Variants in SLC2A9 observed in about 807,000 individuals in gnomAD.
SLC2A9 encodes solute carrier family 2 member 9.
A neutral mutation model predicts 50.6 loss-of-function variants in SLC2A9; 39 were observed. The observed-to-expected ratio is 0.77, with a 90% CI of 0.60 to 1.01. The LOEUF (loss-of-function observed/expected upper bound fraction) is 1.01. Ranked by LOEUF, SLC2A9 falls within the 50% of genes least tolerant of loss-of-function variation. The pLI, the probability that SLC2A9 is intolerant of heterozygous loss-of-function variation, is 0.00. For missense variants in SLC2A9, 686 were observed against 677.6 expected (o/e 1.01, Z -0.14); for synonymous variants, 324 against 276.9 (o/e 1.17, Z -1.69).
intron 10 of SLC2A9, among the ~76,000 whole-genome samples, chr4:9,882,543 C>T (rs950310904): frequency 2.0e-5 from 3 of 151,946 alleles, no homozygotes; most frequent in Non-Finnish European, 4.4e-5. Flanking sequence ...CCCATCTCTA[C>T]TAAAAATACA....
chr4:9,952,106 C>G (rs1370720357), intron 5 of SLC2A9, among the ~76,000 whole-genome samples: 2 of 152,234 alleles, frequency 1.3e-5, no homozygotes, highest in Non-Finnish European at 2.9e-5. Context: ...ACAGATAAAC[C>G]ACTTCACCCC....
intron 10 of SLC2A9, among the ~76,000 whole-genome samples, chr4:9,882,095 T>C (rs972120311): frequency 6.6e-6 from 1 of 152,238 alleles, no homozygotes; most frequent in Admixed American, 6.5e-5. Context: ...GCTGGAACCA[T>C]GAAAATCAAC....
At chr4:9,881,003 G>A (rs1262450187) in intron 10 of SLC2A9, among the ~76,000 whole-genome samples, 4 of 152,156 alleles carry the variant, frequency 2.6e-5, no homozygotes, top group African/African-American at 4.8e-5. Flanking sequence ...CAGCCAAGAC[G>A]CTCTGAGATT....
At chr4:9,782,783 G>T (rs750183500) in intron 3 of SLC2A9, 2 of 1,613,946 alleles carry the variant, frequency 1.2e-6, no homozygotes, top group Non-Finnish European at 1.7e-6. Flanking sequence ...CTACCGCATC[G>T]CCCAGGTGCA....
chr4:10,023,849 C>A (rs537099652), upstream of SLC2A9, among the ~76,000 whole-genome samples: 2 of 152,206 alleles, frequency 1.3e-5, no homozygotes, highest in Non-Finnish European at 2.9e-5. Context: ...GCCTCCAAAG[C>A]GAGGGCTGGT....
At chr4:9,882,378 G>A (rs919153114) in intron 10 of SLC2A9, among the ~76,000 whole-genome samples, 13 of 152,208 alleles carry the variant, frequency 8.5e-5, no homozygotes, top group African/African-American at 2.9e-4. Flanking sequence ...AGGACAAGAT[G>A]GTGAAGATTT....
intron 6 of SLC2A9, among the ~76,000 whole-genome samples, chr4:9,931,529 A>C (rs770417863): frequency 2.0e-5 from 3 of 152,098 alleles, no homozygotes; most frequent in Non-Finnish European, 2.9e-5. Flanking sequence ...TGTCTTACAG[A>C]AACAGCCCTT....
chr4:9,799,715 C>T (rs1443252674), intron 3 of SLC2A9, among the ~76,000 whole-genome samples: 15 of 119,832 alleles, frequency 1.3e-4, no homozygotes, highest in Non-Finnish European at 2.4e-4. Flanking sequence ...CCAACTTCTA[C>T]ACCAGTTTTG....
intron 10 of SLC2A9, among the ~76,000 whole-genome samples, chr4:9,855,694 G>A (rs1201234743): frequency 6.6e-6 from 1 of 152,028 alleles, no homozygotes; most frequent in African/African-American, 2.4e-5. Flanking sequence ...GAGACAACAT[G>A]GTACCTGACT....
intron 10 of SLC2A9, among the ~76,000 whole-genome samples, chr4:9,866,392 CCCG>C (rs1177067582): frequency 1.3e-5 from 2 of 152,122 alleles, no homozygotes; most frequent in African/African-American, 4.8e-5. Flanking sequence ...CTGATGCAAA[CCCG>C]CCAAGCGTTT....
intron 11 of SLC2A9, among the ~76,000 whole-genome samples, chr4:9,832,520 G>A (rs1371174003): frequency 6.6e-6 from 1 of 152,116 alleles, no homozygotes; most frequent in Non-Finnish European, 1.5e-5. Context: ...CACCTGCAAT[G>A]TTTCCCGAAT....
intron 8 of SLC2A9, among the ~76,000 whole-genome samples, chr4:9,906,027 CATT>C (rs1740599947): frequency 6.6e-6 from 1 of 152,224 alleles, no homozygotes; most frequent in African/African-American, 2.4e-5. Context: ...TAAAATCACA[CATT>C]ATGGAAATCT....
chr4:10,010,203 T>C (rs1374717072), intron 2 of SLC2A9, among the ~76,000 whole-genome samples: 1 of 152,044 alleles, frequency 6.6e-6, no homozygotes, highest in East Asian at 1.9e-4. Flanking sequence ...GAAACCCCAA[T>C]AAAAATTTGG....
At chr4:9,854,471 C>T (rs1440233878) in intron 10 of SLC2A9, among the ~76,000 whole-genome samples, 1 of 152,136 alleles carries the variant, frequency 6.6e-6, no homozygotes, top group African/African-American at 2.4e-5. Flanking sequence ...AGTTAAAAGC[C>T]TACCAACCAG....
At chr4:9,935,003 CT>C (rs1262026512) in intron 6 of SLC2A9, among the ~76,000 whole-genome samples, 1 of 152,212 alleles carries the variant, frequency 6.6e-6, no homozygotes, top group Non-Finnish European at 1.5e-5. Context: ...CTTTTTATGG[CT>C]ACATAGTATT....
intron 3 of SLC2A9, among the ~76,000 whole-genome samples, chr4:9,804,384 C>T (rs1002488861): frequency 1.3e-5 from 2 of 152,212 alleles, no homozygotes; most frequent in Non-Finnish European, 2.9e-5. Context: ...CTCAACTCAT[C>T]TGCCTTTCTC....
At chr4:9,820,040 G>A (rs757005002) in intron 3 of SLC2A9, among the ~76,000 whole-genome samples, 19 of 152,212 alleles carry the variant, frequency 1.2e-4, no homozygotes, top group Non-Finnish European at 2.2e-4. Context: ...GTGTTTTGGT[G>A]TTATATCCTA....
chr4:9,876,191 T>C (rs1325419915), intron 10 of SLC2A9, among the ~76,000 whole-genome samples: 2 of 152,152 alleles, frequency 1.3e-5, no homozygotes, highest in Non-Finnish European at 2.9e-5. Context: ...TAATGAAAAT[T>C]AGTTTACCCC....
At chr4:9,816,381 G>A (rs1411304198) in intron 3 of SLC2A9, among the ~76,000 whole-genome samples, 1 of 152,098 alleles carries the variant, frequency 6.6e-6, no homozygotes, top group Non-Finnish European at 1.5e-5. Context: ...GGAGATGAGG[G>A]AAGGGGAGAA....
Sources: gnomAD v4.1 joint callset for allele counts (sites outside exome capture counted in the v4.1 genomes callset) on GRCh38, gnomAD v4.1.1 for gene constraint, MANE v1.5 for transcripts, NCBI Gene and HGNC (gene_info 2026-07-23, HGNC 2026-07-21) for gene names.